CWC27: variants seen among roughly 807,000 people sequenced by gnomAD.
The protein encoded by CWC27 is spliceosome-associated protein CWC27 homolog.
CWC27 carries 47 observed loss-of-function variants against 63.6 expected under a neutral mutation model. The ratio of observed to expected loss-of-function variants is 0.74; its 90% CI spans 0.58 to 0.94. CWC27 has a LOEUF of 0.94. CWC27 is among the 40% of genes least tolerant of loss of function. The pLI, the probability that CWC27 is intolerant of heterozygous loss-of-function variation, is 0.00. For missense variants in CWC27, 495 were observed against 554.3 expected (o/e 0.89, Z 1.07); for synonymous variants, 175 against 179.8 (o/e 0.97, Z 0.22).
rs1388923810 is a variant in CWC27 at position 64,800,272 on chromosome 5, A to G, written c.694A>G (p.Ser232Gly). The change falls in exon 8 of 14, where the codon AGT (serine) becomes GGT (glycine). Residue 232 changes from serine to glycine, a missense_variant. Physicochemically the swap from Ser to Gly is moderately conservative, Grantham distance 56. Coordinates refer to ENST00000381070, the MANE Select transcript of CWC27 (RefSeq NM_005869.4). ...SQSMKGKSKS[S>G]HDLLKDDPHL... Reference sequence around the variant, plus strand: ...GAGCATGAAGGGCAAAAGCAAAAGTAGTCATGACTTGCTTAAGGATGATCC... The same window carrying G: ...GAGCATGAAGGGCAAAAGCAAAAGTGGTCATGACTTGCTTAAGGATGATCC... The G allele has an allele frequency of 6.2e-7, 1 of 1,612,092 alleles. No individual in the cohort carries two copies. The highest frequency in any genetic ancestry group is 1.3e-5 in the African/African-American group (1 of 74,844).
At chr5:64,849,750 G>A (rs957810469) in intron 10 of CWC27, among the ~76,000 whole-genome samples, 5 of 152,066 alleles carry the variant, frequency 3.3e-5, no homozygotes, top group African/African-American at 9.7e-5. Flanking sequence ...TGCTGTTCTC[G>A]TGATAGTGAG....
At chr5:64,924,585 G>T (rs915627093) in intron 11 of CWC27, among the ~76,000 whole-genome samples, 1 of 152,120 alleles carries the variant, frequency 6.6e-6, no homozygotes, top group African/African-American at 2.4e-5. Flanking sequence ...AGCTCCTGGT[G>T]TCAAATTATC....
chr5:64,807,528 C>CTGA, intron 10 of CWC27: 1 of 1,451,676 alleles, frequency 6.9e-7, no homozygotes, highest in Non-Finnish European at 9.0e-7. Context: ...TATATCTATT[C>CTGA]TGACTTCCTA....
intron 9 of CWC27, among the ~76,000 whole-genome samples, chr5:64,802,087 A>G (rs1744508488): frequency 1.3e-5 from 2 of 152,202 alleles, no homozygotes; most frequent in Admixed American, 1.3e-4. Flanking sequence ...TATGAGAGTT[A>G]GGAGTTAGCT....
chr5:64,801,995 A>G (rs764150101), intron 9 of CWC27, among the ~76,000 whole-genome samples: 27 of 152,222 alleles, frequency 1.8e-4, no homozygotes, highest in Non-Finnish European at 3.7e-4. Context: ...CTCTATGGCT[A>G]TCAGTAGTAG....
intron 11 of CWC27, among the ~76,000 whole-genome samples, chr5:64,926,203 T>C (rs1459412785): frequency 6.6e-6 from 1 of 152,108 alleles, no homozygotes; most frequent in Non-Finnish European, 1.5e-5. Flanking sequence ...AAGTATTTCA[T>C]TGAATTAAAC....
intron 4 of CWC27, among the ~76,000 whole-genome samples, chr5:64,784,893 A>T (rs542108788): frequency 6.6e-6 from 1 of 152,310 alleles, no homozygotes; most frequent in East Asian, 1.9e-4. Flanking sequence ...TAAAAATAAG[A>T]GTGTGTAATA....
chr5:64,904,717 T>C (rs1356126573), intron 11 of CWC27, among the ~76,000 whole-genome samples: 4 of 152,226 alleles, frequency 2.6e-5, no homozygotes, highest in Non-Finnish European at 5.9e-5. Flanking sequence ...TAGACATACT[T>C]TAACTACCAC....
intron 10 of CWC27, among the ~76,000 whole-genome samples, chr5:64,836,511 T>C (rs1345828150): frequency 6.6e-6 from 1 of 152,010 alleles, no homozygotes; most frequent in Non-Finnish European, 1.5e-5. Context: ...ATAATACTAC[T>C]GTTTGCAGAA....
At chr5:64,785,629 G>A (rs1478152439) in intron 5 of CWC27, 50 bp downstream of exon 5, 1 of 1,155,418 alleles carries the variant, frequency 8.7e-7, no homozygotes, top group Admixed American at 1.9e-5. Flanking sequence ...TCGTTTAAGA[G>A]GAATTGATTC....
intron 13 of CWC27, among the ~76,000 whole-genome samples, chr5:65,006,659 A>G (rs1749847105): frequency 6.6e-6 from 1 of 152,098 alleles, no homozygotes; most frequent in Non-Finnish European, 1.5e-5. Flanking sequence ...AAATACCAGT[A>G]GAAGGAGGGA....
At chr5:64,996,670 A>G (rs1346872823) in intron 13 of CWC27, among the ~76,000 whole-genome samples, 2 of 152,132 alleles carry the variant, frequency 1.3e-5, no homozygotes, top group East Asian at 1.9e-4. Context: ...GACATAGCCA[A>G]TCATGCTTGG....
chr5:64,831,562 A>C (rs1028589768), intron 10 of CWC27, among the ~76,000 whole-genome samples: 1 of 151,962 alleles, frequency 6.6e-6, no homozygotes, highest in Non-Finnish European at 1.5e-5. Context: ...TTACTTTATT[A>C]GAAATTAAAA....
chr5:64,779,868 C>T (rs1221451155), intron 2 of CWC27, among the ~76,000 whole-genome samples: 1 of 152,170 alleles, frequency 6.6e-6, no homozygotes, highest in Non-Finnish European at 1.5e-5. Context: ...TTATAAGCAT[C>T]TGGCATTTCC....
chr5:64,925,842 C>T (rs1417242709), intron 11 of CWC27, among the ~76,000 whole-genome samples: 3 of 152,140 alleles, frequency 2.0e-5, no homozygotes, highest in African/African-American at 2.4e-5. Context: ...TGACTATACT[C>T]CCACCCTTTC....
intron 13 of CWC27, among the ~76,000 whole-genome samples, chr5:65,006,221 C>T (rs1749838387): frequency 6.6e-6 from 1 of 152,132 alleles, no homozygotes; most frequent in African/African-American, 2.4e-5. Flanking sequence ...CCAAGTTTTC[C>T]AGTGAACTAG....
chr5:64,804,120 A>G (rs1394205013), intron 9 of CWC27, 109 bp from the exon 10 acceptor site: 14 of 1,015,892 alleles, frequency 1.4e-5, no homozygotes, highest in East Asian at 5.1e-5. Flanking sequence ...AAAATAAAAA[A>G]AAAAACCTAG....
At chr5:64,829,956 C>T (rs1387330548) in intron 10 of CWC27, among the ~76,000 whole-genome samples, 6 of 146,240 alleles carry the variant, frequency 4.1e-5, no homozygotes, top group African/African-American at 7.7e-5. Flanking sequence ...ATCCATGTCC[C>T]TGCAAAGAAC....
intron 10 of CWC27, among the ~76,000 whole-genome samples, chr5:64,833,699 G>A (rs1410051188): frequency 6.6e-6 from 1 of 151,650 alleles, no homozygotes; most frequent in African/African-American, 2.4e-5. Flanking sequence ...TCTTTTTCCT[G>A]TGACCTTCAC....
Sources: allele counts gnomAD v4.1 joint callset (sites outside exome capture counted in the v4.1 genomes callset), GRCh38; gene constraint gnomAD v4.1.1; transcripts MANE v1.5; gene names NCBI Gene and HGNC (gene_info 2026-07-23, HGNC 2026-07-21).